ZNRF1: variants seen among roughly 807,000 people sequenced by gnomAD.
The protein encoded by ZNRF1 is E3 ubiquitin-protein ligase ZNRF1.
A neutral mutation model predicts 18.4 loss-of-function variants in ZNRF1; 3 were observed. That is an observed-to-expected ratio of 0.16 (90% CI 0.07 to 0.42). The LOEUF (loss-of-function observed/expected upper bound fraction) is 0.42, where lower values mean the gene tolerates loss of function less well. ZNRF1 is among the 10% of genes least tolerant of loss of function. The probability of loss-of-function intolerance (pLI) is 0.99; values close to 1 mark genes in which losing one functional copy is unlikely to be tolerated. For missense variants in ZNRF1, 310 were observed against 329.8 expected (o/e 0.94, Z 0.47); for synonymous variants, 157 against 144.2 (o/e 1.09, Z -0.64).
intron 1 of ZNRF1, among the ~76,000 whole-genome samples, chr16:75,036,970 A>G (rs1169189773): frequency 6.6e-6 from 1 of 152,162 alleles, no homozygotes; most frequent in Non-Finnish European, 1.5e-5. Flanking sequence ...TGAACTTGAC[A>G]GTTCTTGTGT....
chr16:75,110,806 G>A lies in ZNRF1; in HGVS notation c.*3106G>A, dbSNP rs552138267. The A allele has an allele frequency of 3.3e-5, 5 of 152,266 alleles. No individual in the cohort carries two copies. Among genetic ancestry groups the A allele is most frequent in the South Asian group, 2.1e-4 (1 of 4,808 alleles). 9.4% of individuals were successfully genotyped at this position (152,266 alleles called of 1,614,324 possible). On this transcript the variant is annotated 3_prime_UTR_variant, in exon 5 of 5. Coordinates refer to ENST00000335325, the MANE Select transcript of ZNRF1 (RefSeq NM_032268.5). Reference sequence around the variant, plus strand: ...AGAGCGCAGCTGCTGCAGGATTCTCGCCTGGAAGAGTGGGTGGCTGGCTGG... The same window carrying A: ...AGAGCGCAGCTGCTGCAGGATTCTCACCTGGAAGAGTGGGTGGCTGGCTGG...
At chr16:75,080,613 A>G (rs2035998245) in intron 1 of ZNRF1, among the ~76,000 whole-genome samples, 1 of 151,956 alleles carries the variant, frequency 6.6e-6, no homozygotes, top group South Asian at 2.1e-4. Context: ...CCCTTCCCTA[A>G]CTGTTTTTCC....
chr16:75,020,104 C>T (rs779170982), intron 1 of ZNRF1, among the ~76,000 whole-genome samples: 2 of 152,138 alleles, frequency 1.3e-5, no homozygotes, highest in East Asian at 3.8e-4. Flanking sequence ...TTTTGTCAAA[C>T]GTGTCTGCAT....
At chr16:75,106,278 C>T (rs2036315053) in intron 3 of ZNRF1, 3 of 581,182 alleles carry the variant, frequency 5.2e-6, no homozygotes, top group African/African-American at 1.9e-5. Context: ...GCTGCCTCCA[C>T]CTGGGCCAAG....
At chr16:75,003,716 A>C (rs1313971970) in intron 1 of ZNRF1, among the ~76,000 whole-genome samples, 1 of 152,190 alleles carries the variant, frequency 6.6e-6, no homozygotes, top group Non-Finnish European at 1.5e-5. Flanking sequence ...TGCTAGGCTC[A>C]TCTCCTGGTT....
chr16:75,042,832 C>G (rs987472088), intron 1 of ZNRF1, among the ~76,000 whole-genome samples: 1 of 152,154 alleles, frequency 6.6e-6, no homozygotes. Flanking sequence ...CACAGAGGGC[C>G]TGAAATGGGC....
intron 2 of ZNRF1, among the ~76,000 whole-genome samples, chr16:75,101,378 A>AC (rs1215008862): frequency 1.3e-5 from 2 of 152,052 alleles, no homozygotes; most frequent in African/African-American, 4.8e-5. Context: ...ACATGATGAG[A>AC]CCCCGTCTCT....
intron 1 of ZNRF1, among the ~76,000 whole-genome samples, chr16:75,029,719 A>G (rs1325766008): frequency 3.3e-5 from 5 of 152,052 alleles, no homozygotes; most frequent in African/African-American, 1.2e-4. Context: ...CAGTGAGCCA[A>G]GATCATGCCA....
At chr16:75,064,537 CAG>C (rs774015437) in intron 1 of ZNRF1, among the ~76,000 whole-genome samples, 1 of 146,036 alleles carries the variant, frequency 6.8e-6, no homozygotes, top group Non-Finnish European at 1.5e-5. Flanking sequence ...GCCTGGGTGA[CAG>C]AGTGAGACTC....
chr16:75,011,578 C>A (rs2035000919), intron 1 of ZNRF1, among the ~76,000 whole-genome samples: 1 of 152,110 alleles, frequency 6.6e-6, no homozygotes, highest in Non-Finnish European at 1.5e-5. Context: ...ACAAGTGTTC[C>A]TAAATACCCA....
chr16:75,092,382 A>G (rs1254932281), intron 1 of ZNRF1, among the ~76,000 whole-genome samples: 2 of 152,164 alleles, frequency 1.3e-5, no homozygotes, highest in African/African-American at 2.4e-5. Flanking sequence ...CTGTTGTTAA[A>G]TGTGCCACAT....
intron 1 of ZNRF1, among the ~76,000 whole-genome samples, chr16:75,059,089 C>T (rs2035705294): frequency 6.6e-6 from 1 of 152,170 alleles, no homozygotes; most frequent in South Asian, 2.1e-4. Flanking sequence ...GAGGAACTGC[C>T]AACCATCCGG....
Position 75,108,331 on chromosome 16 carries a change from A to G in ZNRF1, c.*631A>G, listed in dbSNP as rs1009527270. ...ACAACCCATTGAGAACTTTCTTCCTACTGATCCCATCTCTTTTCCCTTCTT... is the reference window on the plus strand; with the variant it reads ...ACAACCCATTGAGAACTTTCTTCCTGCTGATCCCATCTCTTTTCCCTTCTT... On this transcript the variant is annotated 3_prime_UTR_variant, in exon 5 of 5. Coordinates refer to ENST00000335325, the MANE Select transcript of ZNRF1 (RefSeq NM_032268.5). 2 of 367,650 alleles carry G rather than the reference A, an allele frequency of 5.4e-6. No individual in the cohort carries two copies. The highest frequency in any genetic ancestry group is 9.6e-6 in the Non-Finnish European group (2 of 208,722). 22.8% of individuals were successfully genotyped at this position (367,650 alleles called of 1,614,324 possible).
intron 1 of ZNRF1, among the ~76,000 whole-genome samples, chr16:75,020,433 C>T (rs1225042116): frequency 2.0e-5 from 3 of 151,920 alleles, no homozygotes; most frequent in South Asian, 4.2e-4. Flanking sequence ...CATTTGATAC[C>T]TTATGTAATT....
At chr16:75,009,303 A>C (rs1191034152) in intron 1 of ZNRF1, among the ~76,000 whole-genome samples, 1 of 152,210 alleles carries the variant, frequency 6.6e-6, no homozygotes, top group African/African-American at 2.4e-5. Context: ...ATATGTAACA[A>C]AATTTACTAT....
At chr16:75,000,779 C>G (rs2034838406) in intron 1 of ZNRF1, among the ~76,000 whole-genome samples, 1 of 152,232 alleles carries the variant, frequency 6.6e-6, no homozygotes, top group South Asian at 2.1e-4. Context: ...TCTCGCCTCC[C>G]TCCATCTTTT....
At chr16:75,052,121 G>T (rs1002897936) in intron 1 of ZNRF1, among the ~76,000 whole-genome samples, 1 of 152,148 alleles carries the variant, frequency 6.6e-6, no homozygotes, top group African/African-American at 2.4e-5. Flanking sequence ...GAATGTGCCC[G>T]GGCGTGGTGG....
chr16:75,010,559 C>G (rs1194558432), intron 1 of ZNRF1, among the ~76,000 whole-genome samples: 1 of 151,942 alleles, frequency 6.6e-6, no homozygotes, highest in East Asian at 1.9e-4. Context: ...TATGTATGGT[C>G]TCTCATCTTG....
intron 1 of ZNRF1, among the ~76,000 whole-genome samples, chr16:75,001,777 C>T (rs1008733703): frequency 6.6e-6 from 1 of 152,034 alleles, no homozygotes; most frequent in Non-Finnish European, 1.5e-5. Context: ...TTTCTTAAGC[C>T]TCTTACTAAA....
Sources: gnomAD v4.1 joint callset for allele counts (sites outside exome capture counted in the v4.1 genomes callset) on GRCh38, gnomAD v4.1.1 for gene constraint, MANE v1.5 for transcripts, NCBI Gene and HGNC (gene_info 2026-07-23, HGNC 2026-07-21) for gene names.